The following PCGF5 variants were observed in gnomAD, a reference collection of about 807,000 sequenced individuals.
PCGF5 encodes the protein polycomb group RING finger protein 5.
PCGF5 carries 9 observed loss-of-function variants against 44.3 expected under a neutral mutation model. That is an observed-to-expected ratio of 0.20 (90% CI 0.12 to 0.35). The LOEUF is 0.35. PCGF5 is among the 10% of genes least tolerant of loss of function. PCGF5 has a pLI of 1.00. For synonymous variants in PCGF5, 95 were observed against 102.5 expected (o/e 0.93, Z 0.44); for missense variants, 146 against 305.3 (o/e 0.48, Z 3.89).
intron 2 of PCGF5, chr10:91,227,575 T>C: frequency 8.5e-7 from 1 of 1,180,660 alleles, no homozygotes; most frequent in African/African-American, 1.6e-5. Flanking sequence ...TTCAGATTCT[T>C]ATTACATCTC....
intron 3 of PCGF5, among the ~76,000 whole-genome samples, chr10:91,241,625 A>G (rs1482649914): frequency 1.3e-5 from 2 of 152,022 alleles, no homozygotes; most frequent in African/African-American, 4.8e-5. Flanking sequence ...TGAAAAGCAC[A>G]AAAGGGGTCA....
chr10:91,271,653 T>G lies in PCGF5; in HGVS notation c.679T>G (p.Cys227Gly). 1 of 1,613,990 alleles carries G rather than the reference T, an allele frequency of 6.2e-7. No homozygotes were observed. Residue 227 changes from cysteine (C) to glycine (G), a missense_variant, in exon 9 of 10, where the codon TGC (cysteine) becomes GGC (glycine). This residue lies in a region of PCGF5 where 19 missense variants were observed against 17.2 expected (regional missense o/e 1.11). Coordinates refer to ENST00000336126, the MANE Select transcript of PCGF5 (RefSeq NM_032373.5). ...TCCTCCGCAGTTTCGGTGTCTGAAC[T>G]GCTCAGCTTCGCAAGTCTGCTCTCA... Reference protein sequence around the residue: ...LRGENFRCLNCSASQVCSQDG... With the variant: ...LRGENFRCLNGSASQVCSQDG...
intron 1 of PCGF5, among the ~76,000 whole-genome samples, chr10:91,221,697 T>G (rs143714612): frequency 7.5e-4 from 113 of 150,552 alleles, no homozygotes; most frequent in Middle Eastern, 3.4e-3. Flanking sequence ...ATGTTGTGTT[T>G]TCTGAGAGGA....
chr10:91,229,767 C>A (rs35832595), intron 2 of PCGF5, among the ~76,000 whole-genome samples: 13,671 of 151,536 alleles, frequency 0.09, 905 homozygotes, highest in African/African-American at 0.18. Context: ...TGAACTTTAC[C>A]ATAATGTATT....
At chr10:91,198,994 A>T (rs1450519518) in intron 1 of PCGF5, among the ~76,000 whole-genome samples, 2 of 152,202 alleles carry the variant, frequency 1.3e-5, no homozygotes, top group African/African-American at 2.4e-5. Flanking sequence ...TTCACTGGCC[A>T]TGCTGACCTT....
intron 5 of PCGF5, among the ~76,000 whole-genome samples, 155 bp from the exon 6 acceptor site, chr10:91,251,137 G>A (rs1405523955): frequency 1.3e-5 from 2 of 148,604 alleles, no homozygotes; most frequent in Non-Finnish European, 3.0e-5. Context: ...CCATTGCTGA[G>A]TTGGTTGGAA....
intron 2 of PCGF5, among the ~76,000 whole-genome samples, chr10:91,233,772 A>G (rs1845075751): frequency 6.6e-6 from 1 of 152,214 alleles, no homozygotes; most frequent in African/African-American, 2.4e-5. Flanking sequence ...AAAAATGTAT[A>G]TAAAATGAGC....
At chr10:91,271,480 C>CT (rs1418752079) in intron 8 of PCGF5, among the ~76,000 whole-genome samples, 158 bp from the exon 9 acceptor site, 3 of 152,130 alleles carry the variant, frequency 2.0e-5, no homozygotes, top group Admixed American at 6.5e-5. Flanking sequence ...TTATTAAAAT[C>CT]TTTTTTTCAA....
intron 7 of PCGF5, among the ~76,000 whole-genome samples, chr10:91,262,125 C>T (rs1290628629): frequency 1.3e-5 from 2 of 152,122 alleles, no homozygotes; most frequent in African/African-American, 2.4e-5. Context: ...ATAGTAGCAT[C>T]TAGAAAATTA....
the PCGF5 span, among the ~76,000 whole-genome samples, chr10:91,157,722 C>A: frequency 6.6e-6 from 1 of 152,162 alleles, no homozygotes; most frequent in Non-Finnish European, 1.5e-5. Flanking sequence ...GGGGAGTTGA[C>A]AGTGGGAAAT....
chr10:91,167,636 C>T (rs907338975), intron 1 of PCGF5, among the ~76,000 whole-genome samples: 2 of 152,070 alleles, frequency 1.3e-5, no homozygotes, highest in African/African-American at 4.8e-5. Context: ...GAGAATGCTG[C>T]ATGGGGAGGG....
Position 91,238,601 on chromosome 10 carries a change from C to CTTTTTTTTTTTTTTTTTTT in PCGF5, c.113-1871_113-1853dup, listed in dbSNP as rs71487496. On this transcript the variant is annotated intron_variant, in intron 2 of 9. Coordinates refer to ENST00000336126, the MANE Select transcript of PCGF5 (RefSeq NM_032373.5). ...CTCTCATTTCTTTCTTTCTTTCTTT[C>CTTTTTTTTTTTTTTTTTTT]TTTTTTTTTTTTTTTTTTTTTTTTT... Among the ~76,000 whole-genome samples, 138 of 58,490 alleles carry CTTTTTTTTTTTTTTTTTTT rather than the reference C, an allele frequency of 2.4e-3. 2 individuals carry two copies. The highest frequency in any genetic ancestry group is 3.4e-3 in the Non-Finnish European group (111 of 32,766). The allele number at this position is 58,490 out of a possible 152,430, so 38.4% of individuals were successfully genotyped here.
chr10:91,259,501 C>T (rs575500885), intron 6 of PCGF5, among the ~76,000 whole-genome samples: 3 of 152,180 alleles, frequency 2.0e-5, no homozygotes, highest in South Asian at 4.1e-4. Context: ...AAAAAGAGCC[C>T]GCATTGCCAA....
At chr10:91,184,898 C>G (rs1472825088) in intron 1 of PCGF5, among the ~76,000 whole-genome samples, 2 of 152,094 alleles carry the variant, frequency 1.3e-5, no homozygotes, top group African/African-American at 4.8e-5. Context: ...GGAGTCCCAT[C>G]CCAGGGAGTT....
At chr10:91,268,531 A>G (rs903737941) in intron 8 of PCGF5, among the ~76,000 whole-genome samples, 1 of 152,020 alleles carries the variant, frequency 6.6e-6, no homozygotes, top group African/African-American at 2.4e-5. Context: ...CTCCTCATCT[A>G]TTCTACACAC....
Position 91,278,521 on chromosome 10 carries a change from T to C in PCGF5, c.*205T>C. The C allele has an allele frequency of 1.7e-6, 1 of 577,324 alleles. No individual in the cohort carries two copies. The highest frequency in any genetic ancestry group is 2.2e-5 in the South Asian group (1 of 45,578). 35.8% of individuals were successfully genotyped at this position (577,324 alleles called of 1,614,324 possible). ...CAAGTGCCATTCTGCTACTGAACCA[T>C]CTGCATAAGGTATTTGTGTTGTCTC... On this transcript the variant is annotated 3_prime_UTR_variant, in exon 10 of 10. Transcript: ENST00000336126.
intron 1 of PCGF5, among the ~76,000 whole-genome samples, chr10:91,194,712 C>G (rs531353361): frequency 3.1e-4 from 47 of 152,124 alleles, no homozygotes; most frequent in Admixed American, 2.6e-3. Context: ...GGTTTAAAGC[C>G]ACAGACTGAA....
At chr10:91,180,531 G>T (rs1054350985) in intron 1 of PCGF5, among the ~76,000 whole-genome samples, 6 of 152,186 alleles carry the variant, frequency 3.9e-5, no homozygotes, top group African/African-American at 1.4e-4. Flanking sequence ...GTAAGGAAGG[G>T]GTCCAGTTTC....
rs562866586 is a variant in PCGF5, at chr10:91,175,729, C to T, written c.-184+12648C>T. ...ATAAAAATATCAGAGACTAGGATTG[C>T]AACCCCTGCCTTTTTTTGTTTTCCA... is the stretch of plus-strand genomic sequence containing the variant. On this transcript the variant is annotated intron_variant, in intron 1 of 9. Transcript: ENST00000614189. 6.1e-4 allele frequency among the ~76,000 whole-genome samples: 93 copies of T among 152,280 alleles called. 1 individual carries two copies. The South Asian group carries it at 7.5e-3, about 12-fold the overall frequency.
Sources: allele counts gnomAD v4.1 joint callset (sites outside exome capture counted in the v4.1 genomes callset), GRCh38; gene constraint gnomAD v4.1.1; regional missense constraint gnomAD v4.1.1; transcripts MANE v1.5; gene names NCBI Gene and HGNC (gene_info 2026-07-23, HGNC 2026-07-21).